The following PIK3C2A variants were observed in gnomAD, a reference collection of about 807,000 sequenced individuals.
The protein encoded by PIK3C2A is phosphatidylinositol 4-phosphate 3-kinase C2 domain-containing subunit alpha.
Under a neutral mutation model 204.5 loss-of-function variants are expected in PIK3C2A, and 97 were observed. That is an observed-to-expected ratio of 0.47 (90% confidence interval 0.40 to 0.56). The LOEUF is 0.56. PIK3C2A is among the 20% of genes least tolerant of loss of function. The pLI is 0.00. For missense variants in PIK3C2A, 1,735 were observed against 1,969.2 expected (o/e 0.88, Z 2.25); for synonymous variants, 653 against 664.4 (o/e 0.98, Z 0.26).
chr11:17,195,445 T>A (rs1591024054), intron 1 of PIK3C2A, among the ~76,000 whole-genome samples: 1 of 150,268 alleles, frequency 6.7e-6, no homozygotes. Flanking sequence ...CATGGCCAGG[T>A]GCAGTGGCTC....
At position 17,136,544 on chromosome 11, in the gene PIK3C2A, T is replaced by C. The variant is rs758651627; in HGVS notation, c.1786A>G (p.Ile596Val). ...SALDGVETLA[I>V]TESVKKLKRA... ...TTTAGCTTCTTTACTGATTCTGTAA[T>C]GGCAAGAGTCTCGACACCATCTAAA... Residue 596 changes from isoleucine to valine, a missense_variant, in exon 9 of 33, where the codon ATT becomes GTT. Physicochemically the swap from Ile to Val is conservative, Grantham distance 29. This residue lies in a region of PIK3C2A where 106 missense variants were observed against 108.2 expected (regional missense o/e 0.98). Transcript: ENST00000691414. 1.2e-6 allele frequency: 2 copies of C among 1,604,840 alleles called. No individual in the cohort carries two copies. Among genetic ancestry groups the C allele is most frequent in the Non-Finnish European group, 1.7e-6 (2 of 1,171,692 alleles).
intron 1 of PIK3C2A, among the ~76,000 whole-genome samples, chr11:17,199,319 T>C (rs539710527): frequency 7.2e-5 from 11 of 152,278 alleles, no homozygotes; most frequent in Admixed American, 7.2e-4. Context: ...AACACTTTAG[T>C]GTTTCTTCAA....
At chr11:17,119,383 A>G in intron 16 of PIK3C2A, 70 bp from the exon 17 acceptor site, 1 of 872,654 alleles carries the variant, frequency 1.1e-6, no homozygotes, top group Admixed American at 1.9e-5. Flanking sequence ...TTTTGAAAAC[A>G]CAATCTCAAT....
intron 24 of PIK3C2A, among the ~76,000 whole-genome samples, chr11:17,102,382 A>G (rs1473344048): frequency 6.6e-6 from 1 of 152,186 alleles, no homozygotes; most frequent in African/African-American, 2.4e-5. Flanking sequence ...GCTTGCAGTG[A>G]GCCGAGATCG....
At chr11:17,145,841 A>G in intron 7 of PIK3C2A, 22 bp downstream of exon 7, 1 of 1,604,818 alleles carries the variant, frequency 6.2e-7, no homozygotes, top group Non-Finnish European at 8.5e-7. Context: ...AAAACCTGCA[A>G]TTAATGCTTT....
intron 13 of PIK3C2A, among the ~76,000 whole-genome samples, chr11:17,127,761 A>T (rs911869973): frequency 2.6e-5 from 4 of 152,218 alleles, no homozygotes; most frequent in Non-Finnish European, 5.9e-5. Context: ...TTAGATTAGC[A>T]GAAATTTTCA....
chr11:17,097,104 C>T lies in PIK3C2A; in HGVS notation c.4279G>A (p.Val1427Ile). 5 of 1,607,658 alleles carry T rather than the reference C, an allele frequency of 3.1e-6. No homozygotes were observed. The highest frequency in any genetic ancestry group is 2.6e-6 in the Non-Finnish European group (3 of 1,174,192). Residue 1427 changes from valine (V) to isoleucine (I), a missense_variant, in exon 27 of 33, where the codon GTC (valine) becomes ATC (isoleucine). Physicochemically the swap from Val to Ile is conservative, Grantham distance 29. Around this residue, in one of 6 missense-constraint regions of PIK3C2A, gnomAD observed 503 missense variants for 669.0 expected, o/e 0.75. Coordinates refer to ENST00000691414, the MANE Select transcript of PIK3C2A (RefSeq NM_002645.4). ...SFRQDGRIKEVSVFTYHKKYN... is the reference protein window; with the variant it reads ...SFRQDGRIKEISVFTYHKKYN... ...TTCTTATGATATGTAAAAACAGAGA[C>T]TTCCTTGATTCGACCATCTTGTCTA... is the stretch of plus-strand genomic sequence containing the variant.
intron 1 of PIK3C2A, among the ~76,000 whole-genome samples, chr11:17,203,796 G>C (rs1476717619): frequency 6.6e-6 from 1 of 151,910 alleles, no homozygotes; most frequent in Non-Finnish European, 1.5e-5. Flanking sequence ...CTGCTGGCAG[G>C]GTACAGTGGC....
chr11:17,142,515 T>C (rs1046918154), intron 8 of PIK3C2A, among the ~76,000 whole-genome samples: 6 of 151,804 alleles, frequency 4.0e-5, no homozygotes, highest in African/African-American at 9.7e-5. Context: ...TACAGACAGG[T>C]TGAGAAAAAT....
chr11:17,126,949 CAAG>C (rs1179321604), intron 13 of PIK3C2A, among the ~76,000 whole-genome samples: 9 of 152,074 alleles, frequency 5.9e-5, no homozygotes, highest in East Asian at 5.8e-4. Context: ...CTTTCAAGAG[CAAG>C]AAGGTTTTCA....
intron 13 of PIK3C2A, among the ~76,000 whole-genome samples, chr11:17,127,627 G>C (rs1849566441): frequency 6.6e-6 from 1 of 152,106 alleles, no homozygotes; most frequent in Non-Finnish European, 1.5e-5. Context: ...TTATTTTTAA[G>C]CACATGGGAA....
At chr11:17,097,363 A>G in intron 26 of PIK3C2A, 99 bp from the exon 27 acceptor site, 1 of 726,794 alleles carries the variant, frequency 1.4e-6, no homozygotes, top group South Asian at 1.8e-5. Context: ...TCCTTTAAAA[A>G]TATTAAGCAG....
Position 17,094,362 on chromosome 11 carries a change from C to T in PIK3C2A, c.4350G>A (p.Arg1450=), listed in dbSNP as rs1238337430. ...KHYIYVVRIL[R]EGQIEPSFVF... is the part of the protein sequence containing the mutation. ...CAAATGATGGTTCAATCTGTCCTTC[C>T]CTCAAAATTCGGACTACATAAATCT... is the stretch of plus-strand genomic sequence containing the variant. The change falls in exon 28 of 33, where the codon AGG becomes AGA. Residue 1450 remains arginine (R), a synonymous_variant. Coordinates refer to ENST00000691414, the MANE Select transcript of PIK3C2A (RefSeq NM_002645.4). The T allele has an allele frequency of 6.2e-7, 1 of 1,609,674 alleles. No homozygotes were observed. The highest frequency in any genetic ancestry group is 1.1e-5 in the South Asian group (1 of 90,682).
chr11:17,134,685 T>C, intron 11 of PIK3C2A, 134 bp downstream of exon 11: 2 of 661,370 alleles, frequency 3.0e-6, no homozygotes, highest in Non-Finnish European at 5.2e-6. Flanking sequence ...AAATTCTTTT[T>C]AGTAGAGATG....
chr11:17,191,294 C>T (rs1361077581), intron 1 of PIK3C2A, among the ~76,000 whole-genome samples: 1 of 152,160 alleles, frequency 6.6e-6, no homozygotes, highest in African/African-American at 2.4e-5. Flanking sequence ...GAAAGGCCAA[C>T]CATGTGATTT....
At chr11:17,146,459 T>C (rs1345704472) in intron 6 of PIK3C2A, among the ~76,000 whole-genome samples, 5 of 151,860 alleles carry the variant, frequency 3.3e-5, no homozygotes, top group Non-Finnish European at 5.9e-5. Context: ...ACGCCTGTAA[T>C]CCCAGCACTT....
At chr11:17,133,411 C>G (rs1849766875) in intron 11 of PIK3C2A, among the ~76,000 whole-genome samples, 1 of 152,054 alleles carries the variant, frequency 6.6e-6, no homozygotes, top group South Asian at 2.1e-4. Context: ...ATCCCCGGTA[C>G]TAAGAATACT....
chr11:17,190,832 T>G lies in PIK3C2A; in HGVS notation c.-66+17016A>C, dbSNP rs114251950. ...GGGGAAGGGTATACAACAGCATGTC[T>G]AAGTTCTGTGGGACAATTTCAAATG... On this transcript the variant is annotated intron_variant, in intron 1 of 32. Transcript: ENST00000691414. 4.0e-3 allele frequency among the ~76,000 whole-genome samples: 606 copies of G among 152,242 alleles called. 4 individuals are homozygous for G. Among genetic ancestry groups the G allele is most frequent in the African/African-American group, 0.014 (588 of 41,544 alleles).
intron 3 of PIK3C2A, among the ~76,000 whole-genome samples, chr11:17,155,013 T>G (rs1383297971): frequency 6.6e-6 from 1 of 152,224 alleles, no homozygotes; most frequent in Non-Finnish European, 1.5e-5. Flanking sequence ...AAGTAAAGTT[T>G]GTTAGGTTAC....
Sources: gnomAD v4.1 joint callset for allele counts (sites outside exome capture counted in the v4.1 genomes callset) on GRCh38, gnomAD v4.1.1 for gene constraint, gnomAD v4.1.1 regional missense constraint, MANE v1.5 for transcripts, NCBI Gene and HGNC (gene_info 2026-07-23, HGNC 2026-07-21) for gene names.